The following ARL6IP6 variants were observed in gnomAD, a reference collection of about 807,000 sequenced individuals.
The protein encoded by ARL6IP6 is ARF like GTPase 6 interacting protein 6.
In ARL6IP6, 22 loss-of-function variants were observed where a neutral mutation model predicts 21.5. The ratio of observed to expected loss-of-function variants is 1.02; its 90% CI spans 0.73 to 1.46. ARL6IP6 has a LOEUF of 1.46. ARL6IP6 is among the 40% of genes most tolerant of loss of function. The pLI is 0.00. For missense variants in ARL6IP6, 388 were observed against 299.8 expected (o/e 1.29, Z -2.17); for synonymous variants, 164 against 125.3 (o/e 1.31, Z -2.06).
intron 3 of ARL6IP6, among the ~76,000 whole-genome samples, chr2:152,736,242 T>C (rs1006935224): frequency 5.9e-5 from 9 of 152,192 alleles, no homozygotes; most frequent in African/African-American, 1.4e-4. Flanking sequence ...ATTAGAAGTT[T>C]ACTTTAATAA....
At chr2:152,745,394 T>C (rs2346552) in intron 3 of ARL6IP6, among the ~76,000 whole-genome samples, 152,155 of 152,336 alleles carry the variant, frequency 1, 75,987 homozygotes, top group East Asian at 1. Flanking sequence ...CAAGCACTGA[T>C]TTTCCCTCCT....
chr2:152,731,581 C>G (rs779662048), intron 2 of ARL6IP6, among the ~76,000 whole-genome samples: 1 of 152,086 alleles, frequency 6.6e-6, no homozygotes, highest in Non-Finnish European at 1.5e-5. Context: ...CCTTGCTGCT[C>G]CTCTGTTCAA....
Position 152,718,840 on chromosome 2 carries a change from G to A in ARL6IP6, c.216G>A (p.Val72=), listed in dbSNP as rs1414836225. The part of the protein sequence containing the change: ...GAWSEPRKRS[V]LPPDGNGSPV... ...GGTCAGAGCCCAGAAAGCGCTCGGT[G>A]CTCCCGCCGGACGGGAACGGGTCGC... Residue 72 remains valine, a synonymous_variant, in exon 1 of 4, where the codon GTG becomes GTA. Transcript: ENST00000326446. 2.5e-6 allele frequency: 4 copies of A among 1,611,546 alleles called. No homozygotes were observed. The highest frequency in any genetic ancestry group is 3.4e-6 in the Non-Finnish European group (4 of 1,178,682).
chr2:152,730,734 T>A (rs1450270561), intron 2 of ARL6IP6, among the ~76,000 whole-genome samples: 1 of 152,090 alleles, frequency 6.6e-6, no homozygotes. Flanking sequence ...GGATGGTGTT[T>A]CAGATGTGGC....
chr2:152,754,383 A>G (rs1024414322), intron 3 of ARL6IP6, among the ~76,000 whole-genome samples: 2 of 151,992 alleles, frequency 1.3e-5, no homozygotes, highest in African/African-American at 2.4e-5. Flanking sequence ...GTTCATCCAT[A>G]TTGTGGCATA....
At chr2:152,756,145 T>C (rs996109802) in intron 3 of ARL6IP6, among the ~76,000 whole-genome samples, 1 of 152,192 alleles carries the variant, frequency 6.6e-6, no homozygotes, top group African/African-American at 2.4e-5. Flanking sequence ...TCTAAGAATC[T>C]GTTGCTTAAT....
At chr2:152,746,857 T>C (rs1471528909) in intron 3 of ARL6IP6, among the ~76,000 whole-genome samples, 2 of 144,826 alleles carry the variant, frequency 1.4e-5, no homozygotes, top group African/African-American at 2.5e-5. Context: ...AGGTCTTGCT[T>C]TGTTGCCCCA....
At chr2:152,719,922 G>A (rs778808113) in intron 1 of ARL6IP6, 2 of 451,360 alleles carry the variant, frequency 4.4e-6, no homozygotes, top group South Asian at 3.1e-5. Context: ...CAGATGGCAT[G>A]GCATCTAAAA....
At chr2:152,720,138 TTC>T in intron 1 of ARL6IP6, 1 of 43,324 alleles carries the variant, frequency 2.3e-5, no homozygotes, top group Non-Finnish European at 4.6e-5. Flanking sequence ...GGTGGTTTAT[TTC>T]TGTTTTGCTC....
Position 152,761,629 on chromosome 2 carries a change from A to T in ARL6IP6, c.*1789A>T, listed in dbSNP as rs913206440. Reference sequence around the variant, plus strand: ...TTATGATAGTGAATCCCCCCGTAAGATTATACTGCTGCATTTTTTACTTTA... The same window carrying T: ...TTATGATAGTGAATCCCCCCGTAAGTTTATACTGCTGCATTTTTTACTTTA... On this transcript the variant is annotated 3_prime_UTR_variant, in exon 4 of 4. Coordinates refer to ENST00000326446, the MANE Select transcript of ARL6IP6 (RefSeq NM_152522.7). Among the ~76,000 whole-genome samples, 1 of 152,180 alleles carries T rather than the reference A, an allele frequency of 6.6e-6. No individual in the cohort carries two copies. Among genetic ancestry groups the T allele is most frequent in the African/African-American group, 2.4e-5 (1 of 41,442 alleles).
At chr2:152,730,715 T>C (rs965413723) in intron 2 of ARL6IP6, among the ~76,000 whole-genome samples, 4 of 152,140 alleles carry the variant, frequency 2.6e-5, no homozygotes, top group Non-Finnish European at 5.9e-5. Context: ...GTATCTTTTA[T>C]TGTGGTCAGG....
chr2:152,720,352 T>G (rs1699723867), intron 1 of ARL6IP6, 181 bp from the exon 2 acceptor site: 1 of 634,168 alleles, frequency 1.6e-6, no homozygotes, highest in African/African-American at 1.8e-5. Context: ...GCTCCCTTAG[T>G]GGTCAACACA....
rs771174515 is a variant in ARL6IP6 at position 152,718,762 on chromosome 2, G to T, written c.138G>T (p.Glu46Asp). 1 of 1,610,084 alleles carries T rather than the reference G, an allele frequency of 6.2e-7. No individual in the cohort carries two copies. ...SWGEGEVDEEEGCDQVARDLR... is the reference protein window; with the variant it reads ...SWGEGEVDEEDGCDQVARDLR... The stretch of plus-strand genomic sequence containing the variant: ...GTGAAGGCGAAGTCGACGAGGAGGA[G>T]GGATGCGACCAAGTGGCCCGCGACC... The change falls in exon 1 of 4, where the codon GAG (glutamate) becomes GAT (aspartate). Residue 46 changes from glutamate to aspartate, a missense_variant. Transcript: ENST00000326446.
intron 2 of ARL6IP6, among the ~76,000 whole-genome samples, chr2:152,733,694 C>T (rs914586683): frequency 6.6e-6 from 1 of 152,084 alleles, no homozygotes; most frequent in Non-Finnish European, 1.5e-5. Context: ...TATTATTCTT[C>T]CAAGAAAAAT....
intron 3 of ARL6IP6, among the ~76,000 whole-genome samples, chr2:152,751,951 C>G: frequency 6.6e-6 from 1 of 152,132 alleles, no homozygotes; most frequent in Non-Finnish European, 1.5e-5. Flanking sequence ...AAACTTCATA[C>G]TGTTTTCCAT....
At chr2:152,735,585 C>T (rs1024978350) in intron 3 of ARL6IP6, among the ~76,000 whole-genome samples, 3 of 152,036 alleles carry the variant, frequency 2.0e-5, no homozygotes, top group African/African-American at 7.2e-5. Context: ...ATGTCTAGAC[C>T]AGATTGGATG....
intron 1 of ARL6IP6, 61 bp downstream of exon 1, chr2:152,719,085 C>G: frequency 1.4e-6 from 2 of 1,436,772 alleles, no homozygotes; most frequent in Non-Finnish European, 1.8e-6. Context: ...GTGTGGCTCT[C>G]GTCTCCACCC....
intron 2 of ARL6IP6, 72 bp from the exon 3 acceptor site, chr2:152,734,922 T>G: frequency 7.2e-4 from 1,026 of 1,430,786 alleles, no homozygotes; most frequent in Non-Finnish European, 9.2e-4. Flanking sequence ...GATCTGAACA[T>G]GAGAGTACTG....
At chr2:152,748,167 G>C (rs1222776083) in intron 3 of ARL6IP6, among the ~76,000 whole-genome samples, 1 of 152,170 alleles carries the variant, frequency 6.6e-6, no homozygotes, top group Non-Finnish European at 1.5e-5. Flanking sequence ...ACATAGCAAA[G>C]AAGTGAAATT....
Sources: allele counts gnomAD v4.1 joint callset (sites outside exome capture counted in the v4.1 genomes callset), GRCh38; gene constraint gnomAD v4.1.1; transcripts MANE v1.5; gene names NCBI Gene and HGNC (gene_info 2026-07-23, HGNC 2026-07-21).